TONSL: variants seen among roughly 807,000 people sequenced by gnomAD.
The protein encoded by TONSL is tonsoku-like protein.
A neutral mutation model predicts 147.1 loss-of-function variants in TONSL; 112 were observed. The ratio of observed to expected loss-of-function variants is 0.76; its 90% CI spans 0.65 to 0.89. The LOEUF is 0.89. TONSL is among the 40% of genes least tolerant of loss of function. The pLI, the probability that TONSL is intolerant of heterozygous loss-of-function variation, is 0.00. For missense variants in TONSL, 1,883 were observed against 1,864.6 expected (o/e 1.01, Z -0.18); for synonymous variants, 868 against 801.5 (o/e 1.08, Z -1.40).
intron 13 of TONSL, 32 bp downstream of exon 13, chr8:144,438,439 C>T: frequency 6.2e-7 from 1 of 1,604,464 alleles, no homozygotes. Flanking sequence ...CCATGCTAGG[C>T]AGCCTGTCCC....
intron 5 of TONSL, 119 bp downstream of exon 5, chr8:144,442,558 G>C (rs925784786): frequency 1.3e-6 from 2 of 1,488,890 alleles, no homozygotes; most frequent in South Asian, 1.3e-5. Context: ...TGTGAGAGGT[G>C]GGGGGATGAG....
chr8:144,435,534 G>C lies in TONSL; in HGVS notation c.2792C>G (p.Pro931Arg), dbSNP rs1564729061. The change falls in exon 18 of 26, where the codon CCT becomes CGT. Residue 931 changes from proline to arginine, a missense_variant. Transcript: ENST00000409379. ...AGQPLGPAPP[P>R]PIRVRVQVQD... ...AACTTGAACTCGAACCCGGATGGGA[G>C]GGGGCGGGGCCGGACCCTGGCAGGT... The C allele has an allele frequency of 2.6e-6, 4 of 1,551,768 alleles. No homozygotes were observed. Among genetic ancestry groups the C allele is most frequent in the Non-Finnish European group, 3.5e-6 (4 of 1,147,350 alleles).
At chr8:144,430,328 G>A (rs1484542967) in intron 25 of TONSL, 76 bp downstream of exon 25, 12 of 1,435,764 alleles carry the variant, frequency 8.4e-6, no homozygotes, top group African/African-American at 1.4e-5. Flanking sequence ...AGCCCCTTAG[G>A]AGGAGGCACC....
intron 11 of TONSL, among the ~76,000 whole-genome samples, chr8:144,439,598 C>T (rs1050667949): frequency 2.0e-5 from 3 of 152,234 alleles, no homozygotes; most frequent in Non-Finnish European, 2.9e-5. Flanking sequence ...GTCCAAGCCC[C>T]GCTCCAGCCA....
chr8:144,438,430 C>G (rs561256836), intron 13 of TONSL, 41 bp downstream of exon 13: 1 of 1,591,740 alleles, frequency 6.3e-7, no homozygotes, highest in African/African-American at 1.3e-5. Flanking sequence ...ACAGCTCCTC[C>G]ATGCTAGGCA....
At chr8:144,437,554 A>C (rs2087586040) in intron 13 of TONSL, 1 of 166,940 alleles carries the variant, frequency 6.0e-6, no homozygotes, top group Admixed American at 5.6e-5. Flanking sequence ...GGCCTCCCAA[A>C]GTGCTGGGAT....
chr8:144,435,988 G>C lies in TONSL; in HGVS notation c.2445C>G (p.Ser815Arg), dbSNP rs1295878662. The C allele has an allele frequency of 2.8e-5, 43 of 1,554,308 alleles. No homozygotes were observed. The highest frequency in any genetic ancestry group is 3.6e-5 in the Non-Finnish European group (42 of 1,152,156). ...RLGPGPPRGHSKALAPQAALI... is the reference protein window; with the variant it reads ...RLGPGPPRGHRKALAPQAALI... ...GCGCTGCCTGGGGGGCAAGGGCTTTGCTGTGGCCCCGCGGTGGGCCAGGCC... is the reference window on the plus strand; with the variant it reads ...GCGCTGCCTGGGGGGCAAGGGCTTTCCTGTGGCCCCGCGGTGGGCCAGGCC... Residue 815 changes from serine (S) to arginine (R), a missense_variant, in exon 17 of 26, where the codon AGC becomes AGG. Ser to Arg is a moderately radical substitution (Grantham distance 110, BLOSUM62 -1). Transcript: ENST00000409379.
chr8:144,442,753 G>T lies in TONSL; in HGVS notation c.502C>A (p.Leu168Met), dbSNP rs563116691. 5 of 1,613,152 alleles carry T rather than the reference G, an allele frequency of 3.1e-6. No homozygotes were observed. The highest frequency in any genetic ancestry group is 1.7e-5 in the Admixed American group (1 of 60,022). The change falls in exon 5 of 26, where the codon CTG becomes ATG. Residue 168 changes from leucine (L) to methionine (M), a missense_variant. By Grantham distance (15) the Leu-to-Met change is conservative. Coordinates refer to ENST00000409379, the MANE Select transcript of TONSL (RefSeq NM_013432.5). ...NEMRTRLYLN[L>M]GLTFESLQQT... ...TGCAGGCTCTCAAAGGTGAGGCCCA[G>T]GTTGAGATAGAGGCGGGTCCTCATC...
At position 144,432,477 on chromosome 8, in the gene TONSL, A is replaced by C; in HGVS notation, c.3560-17T>G. On this transcript the variant is annotated splice_polypyrimidine_tract_variant and intron_variant, in intron 22 of 25. Coordinates refer to ENST00000409379, the MANE Select transcript of TONSL (RefSeq NM_013432.5). ...GCTCAGCATCTGCACCGGGGCCAGA[A>C]TCCGTCAGCCCCACGTGGCCACAGC... The C allele has an allele frequency of 6.6e-7, 1 of 1,520,600 alleles. No individual in the cohort carries two copies. Among genetic ancestry groups the C allele is most frequent in the African/African-American group, 1.4e-5 (1 of 71,486 alleles). The allele number at this position is 1,520,600 out of a possible 1,614,324, so 94.2% of individuals were successfully genotyped here. A position where few individuals can be genotyped will look rare whatever the true frequency, so the allele number is the denominator to read the frequency against.
chr8:144,431,192 C>G, intron 23 of TONSL, 41 bp from the exon 24 acceptor site: 1 of 1,599,420 alleles, frequency 6.3e-7, no homozygotes, highest in South Asian at 1.1e-5. Context: ...AACGGAGTGG[C>G]GCACCTGCCC....
At position 144,435,018 on chromosome 8, in the gene TONSL, T is replaced by G; in HGVS notation, c.3005A>C (p.Glu1002Ala). The G allele has an allele frequency of 1.2e-6, 2 of 1,612,512 alleles. No individual in the cohort carries two copies. Among genetic ancestry groups the G allele is most frequent in the African/African-American group, 2.7e-5 (2 of 75,060 alleles). Residue 1002 changes from glutamate to alanine, a missense_variant and splice_region_variant, in exon 19 of 26, where the codon GAG becomes GCG. Coordinates refer to ENST00000409379, the MANE Select transcript of TONSL (RefSeq NM_013432.5). Reference sequence around the variant, plus strand: ...CTCCCCCTCCGCTCTGCGGCTCACCTCGTCATTGCTCTGCAGCACATCAGG... The same window carrying G: ...CTCCCCCTCCGCTCTGCGGCTCACCGCGTCATTGCTCTGCAGCACATCAGG... ...LIPDVLQSND[E>A]VLAEVTSWDL... is the part of the protein sequence containing the mutation.
chr8:144,438,825 G>C, intron 11 of TONSL, 90 bp from the exon 12 acceptor site: 1 of 1,360,950 alleles, frequency 7.3e-7, no homozygotes, highest in South Asian at 1.2e-5. Context: ...AAACTCCCAG[G>C]TACAAAGGAG....
Position 144,442,351 on chromosome 8 carries a change from G to C in TONSL, c.640C>G (p.Arg214Gly). The C allele has an allele frequency of 6.3e-7, 1 of 1,590,300 alleles. No individual in the cohort carries two copies. Among genetic ancestry groups the C allele is most frequent in the Non-Finnish European group, 8.6e-7 (1 of 1,164,502 alleles). The change falls in exon 6 of 26, where the codon CGC becomes GGC. Residue 214 changes from arginine (R) to glycine (G), a missense_variant. Physicochemically the swap from Arg to Gly is moderately radical, Grantham distance 125. Transcript: ENST00000409379. ...ATAGCCTGGGAGTGCTGGCCCGCGC[G>C]CCAGTGGATGGTGCCCAGGTTGTAG... ...ARYNLGTIHW[R>G]AGQHSQAMRC... is the part of the protein sequence containing the mutation.
rs747855364 is a variant in TONSL at position 144,436,670 on chromosome 8, C to T, written c.1902G>A (p.Pro634=). ...VTLRTRKGLS[P]LETLQQWVKL... ...TCACCCACTGCTGCAGCGTCTCCAG[C>T]GGGCTGAGGCCCTGTGTGGCATCAG... The change falls in exon 16 of 26, where the codon CCG becomes CCA. Residue 634 remains proline (P), a synonymous_variant. Coordinates refer to ENST00000409379, the MANE Select transcript of TONSL (RefSeq NM_013432.5). 17 of 1,611,852 alleles carry T rather than the reference C, an allele frequency of 1.1e-5. No individual in the cohort carries two copies. The highest frequency in any genetic ancestry group is 2.7e-5 in the African/African-American group (2 of 74,934).
chr8:144,433,328 G>A (rs1453286459), intron 22 of TONSL: 3 of 377,492 alleles, frequency 7.9e-6, no homozygotes, highest in South Asian at 3.3e-5. Context: ...TGCCCGCCTT[G>A]GCCTCCCAAA....
Position 144,432,274 on chromosome 8 carries a change from C to A in TONSL, c.3735+11G>T. The A allele has an allele frequency of 1.2e-6, 2 of 1,612,558 alleles. No homozygotes were observed. The highest frequency in any genetic ancestry group is 1.1e-5 in the South Asian group (1 of 90,960). ...GGCTCAGTATTTTCTGGGTTCTTCCCCACCTCGTACCTTGGCCAGGTATCG... is the reference window on the plus strand; with the variant it reads ...GGCTCAGTATTTTCTGGGTTCTTCCACACCTCGTACCTTGGCCAGGTATCG... On this transcript the variant is annotated intron_variant, in intron 23 of 25. Transcript: ENST00000409379.
chr8:144,442,533 A>T (rs2129695728), intron 5 of TONSL, 121 bp from the exon 6 acceptor site: 1 of 1,478,230 alleles, frequency 6.8e-7, no homozygotes, highest in South Asian at 1.3e-5. Flanking sequence ...GCCTTCTCCC[A>T]GTGTGTGGCA....
At chr8:144,435,632 G>A (rs1033196156) in intron 17 of TONSL, 26 bp downstream of exon 17, 2 of 1,586,356 alleles carry the variant, frequency 1.3e-6, no homozygotes, top group African/African-American at 2.7e-5. Flanking sequence ...TGGGGAGAGG[G>A]CTCTGCTCCA....
At position 144,428,812 on chromosome 8, in the gene TONSL, C is replaced by T. The variant is rs1311675692; in HGVS notation, c.*331G>A. 7.8e-5 allele frequency: 16 copies of T among 204,378 alleles called. No homozygotes were observed. The highest frequency in any genetic ancestry group is 1.5e-4 in the Non-Finnish European group (15 of 102,286). The allele number at this position is 204,378 out of a possible 1,614,324, so 12.7% of individuals were successfully genotyped here. A position where few individuals can be genotyped will look rare whatever the true frequency, so the allele number is the denominator to read the frequency against. ...ATTTTATTTTTTTTTTTTTTTGAGA[C>T]GGAGTCTCGGTCTGTCGCCCAGGCT... is the stretch of plus-strand genomic sequence containing the variant. On this transcript the variant is annotated 3_prime_UTR_variant, in exon 26 of 26. Transcript: ENST00000409379.
Sources: gnomAD v4.1 joint callset for allele counts (sites outside exome capture counted in the v4.1 genomes callset) on GRCh38, gnomAD v4.1.1 for gene constraint, MANE v1.5 for transcripts, NCBI Gene and HGNC (gene_info 2026-07-23, HGNC 2026-07-21) for gene names.